The following ZYG11A variants were observed in gnomAD, a reference collection of about 807,000 sequenced individuals.
ZYG11A encodes the protein zyg-11 family member A, cell cycle regulator, also known as protein zyg-11 homolog A.
In ZYG11A, 62 loss-of-function variants were observed where a neutral mutation model predicts 77.2. The ratio of observed to expected loss-of-function variants is 0.80; its 90% CI spans 0.65 to 0.99. The LOEUF (loss-of-function observed/expected upper bound fraction) is 0.99. ZYG11A is among the 50% of genes least tolerant of loss of function. The pLI is 0.00. For synonymous variants in ZYG11A, 315 were observed against 324.6 expected (o/e 0.97, Z 0.32); for missense variants, 828 against 896.8 (o/e 0.92, Z 0.98).
intron 1 of ZYG11A, among the ~76,000 whole-genome samples, chr1:52,852,280 C>G (rs1300191278): frequency 6.6e-6 from 1 of 151,952 alleles, no homozygotes. Context: ...AACTCCTGAC[C>G]TCATGATCCA....
Position 52,842,909 on chromosome 1 carries a change from A to G in ZYG11A, c.26A>G (p.His9Arg). The change falls in exon 1 of 14, where the codon CAC (histidine) becomes CGC (arginine). Residue 9 changes from histidine to arginine, a missense_variant. His to Arg is a conservative substitution (Grantham distance 29). Transcript: ENST00000371528. The part of the protein sequence containing the change: MVHFLHPG[H>R]TPRNIVPPDA... ...ATGGTTCATTTCTTGCACCCGGGCC[A>G]CACGCCCCGGAACATCGTCCCTCCT... 6.5e-7 allele frequency: 1 copy of G among 1,530,544 alleles called. No individual in the cohort carries two copies. Among genetic ancestry groups the G allele is most frequent in the Non-Finnish European group, 8.8e-7 (1 of 1,138,226 alleles). 94.8% of individuals were successfully genotyped at this position (1,530,544 alleles called of 1,614,324 possible). A position where few individuals can be genotyped will look rare whatever the true frequency, so the allele number is the denominator to read the frequency against.
chr1:52,865,304 T>TTA (rs1312026658), intron 5 of ZYG11A, among the ~76,000 whole-genome samples: 8 of 152,034 alleles, frequency 5.3e-5, no homozygotes, highest in Admixed American at 2.0e-4. Flanking sequence ...AACATGTTCA[T>TTA]TATATATATA....
At chr1:52,870,036 C>T (rs1325436313) in intron 8 of ZYG11A, among the ~76,000 whole-genome samples, 1 of 146,078 alleles carries the variant, frequency 6.8e-6, no homozygotes, top group East Asian at 2.2e-4. Flanking sequence ...GACGGGGCGG[C>T]CAGGCAGAGA....
At chr1:52,851,097 C>T (rs184846363) in intron 1 of ZYG11A, among the ~76,000 whole-genome samples, 7 of 151,838 alleles carry the variant, frequency 4.6e-5, no homozygotes, top group South Asian at 4.2e-4. Context: ...AGTGGAGGGG[C>T]GCAATCACGG....
chr1:52,878,103 T>C, intron 10 of ZYG11A, 134 bp downstream of exon 10: 1 of 743,982 alleles, frequency 1.3e-6, no homozygotes, highest in Non-Finnish European at 2.2e-6. Flanking sequence ...ACATTAGCCC[T>C]ACAGAGTAAA....
Position 52,867,566 on chromosome 1 carries a change from AT to A in ZYG11A, c.1420del (p.Trp474GlyfsTer15). 1 of 1,552,202 alleles carries A rather than the reference AT, an allele frequency of 6.4e-7. No individual in the cohort carries two copies. The highest frequency in any genetic ancestry group is 8.7e-7 in the Non-Finnish European group (1 of 1,146,980). On this transcript the variant is annotated frameshift_variant, in exon 7 of 14. Transcript: ENST00000371528. LOFTEE classifies it high-confidence loss of function. ...RFDAAKFVMR[W>X]LCKHENPKMQ... is the part of the protein sequence containing the mutation. ...TTGATGCTGCCAAGTTTGTCATGAGATGGCTCTGTAAGCATGAAAACCCCAA... is the reference window on the plus strand; with the variant it reads ...TTGATGCTGCCAAGTTTGTCATGAGAGGCTCTGTAAGCATGAAAACCCCAA...
rs1288235459 is a variant in ZYG11A at position 52,887,052 on chromosome 1, T to C, written c.2103T>C (p.Asn701=). The C allele has an allele frequency of 1.4e-6, 2 of 1,472,978 alleles. No homozygotes were observed. The allele number at this position is 1,472,978 out of a possible 1,614,324, so 91.2% of individuals were successfully genotyped here. Residue 701 remains asparagine, a splice_region_variant and synonymous_variant, in exon 13 of 14, where the codon AAT becomes AAC. Transcript: ENST00000371528. ...LWAMYHVCSK[N]PSKYCKMLVE... ...CTATGTATCATGTCTGCAGTAAAAATCGTATGTATTCAACATATATTCAAA... is the reference window on the plus strand; with the variant it reads ...CTATGTATCATGTCTGCAGTAAAAACCGTATGTATTCAACATATATTCAAA...
chr1:52,872,882 C>CAAAA (rs59422649), intron 8 of ZYG11A, among the ~76,000 whole-genome samples: 6 of 112,144 alleles, frequency 5.4e-5, no homozygotes, highest in Non-Finnish European at 6.9e-5. Context: ...GACTCTGTCT[C>CAAAA]AAAAAAAAAA....
intron 8 of ZYG11A, among the ~76,000 whole-genome samples, chr1:52,868,037 GC>G (rs1646061427): frequency 8.9e-6 from 1 of 112,044 alleles, no homozygotes; most frequent in Non-Finnish European, 1.8e-5. Flanking sequence ...CGCGATCTCG[GC>G]TCACTGCAAC....
intron 6 of ZYG11A, 33 bp from the exon 7 acceptor site, chr1:52,867,506 A>G (rs1646047692): frequency 1.4e-6 from 2 of 1,391,538 alleles, no homozygotes; most frequent in Non-Finnish European, 2.0e-6. Context: ...AACTTTATAT[A>G]TAATTGTGAG....
chr1:52,886,843 G>A (rs975427327), intron 12 of ZYG11A, 113 bp from the exon 13 acceptor site: 10 of 278,268 alleles, frequency 3.6e-5, no homozygotes, highest in East Asian at 1.4e-4. Flanking sequence ...CACCATGCCC[G>A]GCTGTGAAAA....
At chr1:52,882,033 T>C (rs553934219) in intron 11 of ZYG11A, among the ~76,000 whole-genome samples, 2 of 152,206 alleles carry the variant, frequency 1.3e-5, no homozygotes, top group South Asian at 4.2e-4. Flanking sequence ...TAGCTGAGAC[T>C]ATAGGTGTGT....
rs1571881830 is a variant in ZYG11A at position 52,886,029 on chromosome 1, T to C, written c.2006+135T>C. 4 of 518,372 alleles carry C rather than the reference T, an allele frequency of 7.7e-6. No individual in the cohort carries two copies. The South Asian group carries it at 1.0e-4, about 14-fold the overall frequency. 32.1% of individuals were successfully genotyped at this position (518,372 alleles called of 1,614,324 possible). On this transcript the variant is annotated intron_variant, in intron 12 of 13. Coordinates refer to ENST00000371528, the MANE Select transcript of ZYG11A (RefSeq NM_001004339.3). ...CTCACTGCAAGCTCCACCTCCCGGG[T>C]TCACGCCATTCTCCTGCCTCAGCCT...
Position 52,857,345 on chromosome 1 carries a change from T to C in ZYG11A, c.604T>C (p.Ser202Pro), listed in dbSNP as rs972774643. ...CFHTEDLANV[S>P]QLPRLESLDI... ...TCATACTGAAGACCTGGCTAATGTT[T>C]CTCAGTTACCAAGACTGGAAAGCTT... The change falls in exon 3 of 14, where the codon TCT becomes CCT. Residue 202 changes from serine (S) to proline (P), a missense_variant. Physicochemically the swap from Ser to Pro is moderately conservative, Grantham distance 74 (BLOSUM62 -1). Coordinates refer to ENST00000371528, the MANE Select transcript of ZYG11A (RefSeq NM_001004339.3). The C allele has an allele frequency of 5.2e-6, 8 of 1,551,724 alleles. No homozygotes were observed. In the African/African-American group the frequency reaches 1.1e-4, roughly 21 times the overall value.
intron 4 of ZYG11A, among the ~76,000 whole-genome samples, chr1:52,862,186 G>A (rs1645939959): frequency 6.6e-6 from 1 of 151,720 alleles, no homozygotes; most frequent in South Asian, 2.1e-4. Context: ...TCCAGCCTGG[G>A]CGACAGAGCA....
At chr1:52,867,870 T>A (rs1646055655) in intron 8 of ZYG11A, 93 bp downstream of exon 8, 4 of 1,029,706 alleles carry the variant, frequency 3.9e-6, no homozygotes, top group Middle Eastern at 2.6e-4. Context: ...CCAAAAGGCC[T>A]ATTAAGGTGA....
Position 52,842,982 on chromosome 1 carries a change from C to T in ZYG11A, c.90+9C>T. Reference sequence around the variant, plus strand: ...GCTGCTGCGTGGTACAGGTGAGCACCGGGGTGCGGGCGGCGACGCGGACCT... The same window carrying T: ...GCTGCTGCGTGGTACAGGTGAGCACTGGGGTGCGGGCGGCGACGCGGACCT... On this transcript the variant is annotated intron_variant, in intron 1 of 13. Transcript: ENST00000371528. 2 of 1,509,314 alleles carry T rather than the reference C, an allele frequency of 1.3e-6. No homozygotes were observed. The highest frequency in any genetic ancestry group is 2.9e-5 in the African/African-American group (2 of 69,010). The allele number at this position is 1,509,314 out of a possible 1,614,324, so 93.5% of individuals were successfully genotyped here. A position where few individuals can be genotyped will look rare whatever the true frequency, so the allele number is the denominator to read the frequency against.
Position 52,867,558 on chromosome 1 carries a change from G to A in ZYG11A, c.1411G>A (p.Val471Ile), listed in dbSNP as rs1646048991. The change falls in exon 7 of 14, where the codon GTC becomes ATC. Residue 471 changes from valine (V) to isoleucine (I), a missense_variant. Physicochemically the swap from Val to Ile is conservative, Grantham distance 29. Transcript: ENST00000371528. ...PFDRFDAAKF[V>I]MRWLCKHENP... The stretch of plus-strand genomic sequence containing the variant: ...TTTCAGGTTTGATGCTGCCAAGTTT[G>A]TCATGAGATGGCTCTGTAAGCATGA... 2 of 1,551,940 alleles carry A rather than the reference G, an allele frequency of 1.3e-6. No individual in the cohort carries two copies. The highest frequency in any genetic ancestry group is 2.7e-5 in the African/African-American group (2 of 73,046).
intron 11 of ZYG11A, among the ~76,000 whole-genome samples, chr1:52,884,193 A>T (rs563282842): frequency 4.7e-4 from 70 of 150,036 alleles, no homozygotes; most frequent in African/African-American, 1.2e-3. Context: ...AAATAAAATT[A>T]AAAAAAAAAT....
Sources: allele counts gnomAD v4.1 joint callset (sites outside exome capture counted in the v4.1 genomes callset), GRCh38; gene constraint gnomAD v4.1.1; transcripts MANE v1.5; gene names NCBI Gene and HGNC (gene_info 2026-07-23, HGNC 2026-07-21).